RNF220: variants seen among roughly 807,000 people sequenced by gnomAD.
RNF220 encodes the protein E3 ubiquitin-protein ligase RNF220.
RNF220 carries 7 observed loss-of-function variants against 67.1 expected under a neutral mutation model. The observed-to-expected ratio is 0.10, with a 90% CI of 0.06 to 0.20. RNF220 has a LOEUF of 0.20. Ranked by LOEUF, RNF220 falls within the 10% of genes least tolerant of loss-of-function variation. RNF220 has a pLI of 1.00. For missense variants in RNF220, 565 were observed against 740.3 expected (o/e 0.76, Z 2.75); for synonymous variants, 270 against 283.2 (o/e 0.95, Z 0.47).
chr1:44,509,191 T>C (rs1415866316), intron 2 of RNF220, among the ~76,000 whole-genome samples: 1 of 152,188 alleles, frequency 6.6e-6, no homozygotes, highest in Non-Finnish European at 1.5e-5. Context: ...ATAAAGCCAA[T>C]GGTTTCATTT....
chr1:44,502,955 A>G lies in RNF220; in HGVS notation c.625+90233A>G, dbSNP rs908596396. Among the ~76,000 whole-genome samples, 10 of 151,954 alleles carry G rather than the reference A, an allele frequency of 6.6e-5. No homozygotes were observed. The East Asian group carries it at 1.9e-3, about 29-fold the overall frequency. ...TAATTTTTTCTATTTTTATTTTTGGAGAGATGGGGTCTTGCTGTGTTGCCC... is the reference window on the plus strand; with the variant it reads ...TAATTTTTTCTATTTTTATTTTTGGGGAGATGGGGTCTTGCTGTGTTGCCC... On this transcript the variant is annotated intron_variant, in intron 2 of 14. Transcript: ENST00000361799.
At chr1:44,434,146 G>T (rs1324098187) in intron 2 of RNF220, among the ~76,000 whole-genome samples, 6 of 152,032 alleles carry the variant, frequency 3.9e-5, no homozygotes, top group African/African-American at 1.5e-4. Context: ...CCCTTGGAAT[G>T]ATGTTTGAAT....
At chr1:44,507,170 T>C (rs781773) in intron 2 of RNF220, among the ~76,000 whole-genome samples, 148,333 of 152,258 alleles carry the variant, frequency 0.97, 72,372 homozygotes, top group Middle Eastern at 1. Flanking sequence ...AATGCCTTCT[T>C]CTAGCGGCCG....
intron 2 of RNF220, among the ~76,000 whole-genome samples, chr1:44,461,480 G>C (rs1249941707): frequency 6.6e-6 from 1 of 152,170 alleles, no homozygotes; most frequent in Non-Finnish European, 1.5e-5. Context: ...TTGGTGATCT[G>C]TTTCAGGAAA....
intron 2 of RNF220, among the ~76,000 whole-genome samples, chr1:44,533,627 C>T (rs1162944568): frequency 6.6e-6 from 1 of 152,196 alleles, no homozygotes; most frequent in East Asian, 1.9e-4. Flanking sequence ...GAATAAGACA[C>T]CTGCCCTGAA....
At chr1:44,608,629 A>G (rs1304718101) in intron 2 of RNF220, among the ~76,000 whole-genome samples, 1 of 152,262 alleles carries the variant, frequency 6.6e-6, no homozygotes, top group African/African-American at 2.4e-5. Flanking sequence ...AGCCAAATAT[A>G]TAATGATACT....
intron 8 of RNF220, chr1:44,644,069 C>T (rs1490035260): frequency 6.5e-6 from 1 of 153,806 alleles, no homozygotes; most frequent in South Asian, 2.0e-4. Flanking sequence ...CCTCGTCTGT[C>T]CCTTCTTAAT....
At chr1:44,633,672 C>T (rs1269080559) in intron 6 of RNF220, among the ~76,000 whole-genome samples, 3 of 152,214 alleles carry the variant, frequency 2.0e-5, no homozygotes, top group Non-Finnish European at 2.9e-5. Context: ...CCATGAGATT[C>T]GTTTCCTTAG....
At chr1:44,413,070 G>A (rs550922009) in intron 2 of RNF220, among the ~76,000 whole-genome samples, 6 of 152,180 alleles carry the variant, frequency 3.9e-5, no homozygotes, top group Admixed American at 2.6e-4. Flanking sequence ...AATTTGGGGG[G>A]CCTAAAGAAA....
chr1:44,622,685 G>C lies in RNF220; in HGVS notation c.759-57G>C, dbSNP rs964676138. 2.0e-6 allele frequency: 3 copies of C among 1,506,698 alleles called. No individual in the cohort carries two copies. The African/African-American group carries it at 4.1e-5, about 21-fold the overall frequency. 93.3% of individuals were successfully genotyped at this position (1,506,698 alleles called of 1,614,324 possible). ...TTTGGGGTCTTCTTGCTACTCTACCGTTGCATGCCCTGGGCAGCAGGTAGA... is the reference window on the plus strand; with the variant it reads ...TTTGGGGTCTTCTTGCTACTCTACCCTTGCATGCCCTGGGCAGCAGGTAGA... On this transcript the variant is annotated intron_variant, in intron 3 of 14. Coordinates refer to ENST00000361799, the MANE Select transcript of RNF220 (RefSeq NM_018150.4). The surrounding 1 kb of genome is among the most constrained non-coding windows in gnomAD (Gnocchi z 4.3).
chr1:44,448,846 T>C (rs1652369843), intron 2 of RNF220, among the ~76,000 whole-genome samples: 1 of 152,212 alleles, frequency 6.6e-6, no homozygotes, highest in Non-Finnish European at 1.5e-5. Flanking sequence ...GGGTTTCAAG[T>C]GAATGCTTGA....
chr1:44,537,456 A>G (rs1661321221), intron 2 of RNF220, among the ~76,000 whole-genome samples: 1 of 152,208 alleles, frequency 6.6e-6, no homozygotes, highest in East Asian at 1.9e-4. Flanking sequence ...AATGTATATT[A>G]ACGTTTACAT....
intron 3 of RNF220, among the ~76,000 whole-genome samples, chr1:44,616,078 T>C (rs1643534296): frequency 6.6e-6 from 1 of 152,196 alleles, no homozygotes; most frequent in Admixed American, 6.5e-5. Flanking sequence ...TAGGACAGCT[T>C]GAATTTCCCT....
At chr1:44,629,866 G>A (rs1644065291) in intron 5 of RNF220, among the ~76,000 whole-genome samples, 1 of 152,200 alleles carries the variant, frequency 6.6e-6, no homozygotes, top group African/African-American at 2.4e-5. Context: ...ACTATGTAGA[G>A]AACATAGAGG....
chr1:44,579,009 C>CA (rs919267163), intron 2 of RNF220, among the ~76,000 whole-genome samples: 1 of 151,530 alleles, frequency 6.6e-6, no homozygotes, highest in Non-Finnish European at 1.5e-5. Context: ...ACTAAAAATA[C>CA]AAAAAAATTA....
At chr1:44,430,544 A>T (rs1044433195) in intron 2 of RNF220, among the ~76,000 whole-genome samples, 3 of 152,066 alleles carry the variant, frequency 2.0e-5, no homozygotes, top group Admixed American at 6.6e-5. Context: ...ATTTTTATTT[A>T]TTTTTATTTT....
intron 2 of RNF220, chr1:44,572,901 CA>C: frequency 3.9e-6 from 1 of 253,668 alleles, no homozygotes; most frequent in South Asian, 3.7e-5. Context: ...TGTTGTTCAC[CA>C]AGTAAACAAT....
intron 2 of RNF220, among the ~76,000 whole-genome samples, chr1:44,602,930 C>T (rs1667025409): frequency 6.6e-6 from 1 of 152,134 alleles, no homozygotes; most frequent in African/African-American, 2.4e-5. Context: ...ACAGCTGTCA[C>T]CGCCCGGCTG....
At chr1:44,564,944 A>G (rs1663875855) in intron 2 of RNF220, among the ~76,000 whole-genome samples, 1 of 152,064 alleles carries the variant, frequency 6.6e-6, no homozygotes, top group Non-Finnish European at 1.5e-5. Context: ...AATCAACTCT[A>G]TCCCCAGCAC....
Sources: allele counts gnomAD v4.1 joint callset (sites outside exome capture counted in the v4.1 genomes callset), GRCh38; gene constraint gnomAD v4.1.1; non-coding constraint Gnocchi (gnomAD v3.1); transcripts MANE v1.5; gene names NCBI Gene and HGNC (gene_info 2026-07-23, HGNC 2026-07-21).